PPARA: variants seen among roughly 807,000 people sequenced by gnomAD.
PPARA encodes the protein peroxisome proliferator activated receptor alpha.
Under a neutral mutation model 42.2 loss-of-function variants are expected in PPARA, and 22 were observed. That is an observed-to-expected ratio of 0.52 (90% confidence interval 0.37 to 0.74). PPARA has a LOEUF of 0.74. Ranked by LOEUF, PPARA falls within the 30% of genes least tolerant of loss-of-function variation. The pLI, the probability that PPARA is intolerant of heterozygous loss-of-function variation, is 0.00. For missense variants in PPARA, 465 were observed against 608.2 expected (o/e 0.76, Z 2.48); for synonymous variants, 242 against 239.3 (o/e 1.01, Z -0.10).
chr22:46,208,130 AAAT>A (rs1933571728), intron 4 of PPARA, among the ~76,000 whole-genome samples: 1 of 152,154 alleles, frequency 6.6e-6, no homozygotes. Context: ...TTTAATTGAC[AAAT>A]AATAATTGTA....
At chr22:46,166,570 A>G (rs1927087572) in intron 2 of PPARA, among the ~76,000 whole-genome samples, 2 of 151,674 alleles carry the variant, frequency 1.3e-5, no homozygotes, top group Admixed American at 1.3e-4. Flanking sequence ...GTGAGCCGAG[A>G]TCATGCCACT....
chr22:46,152,804 A>G (rs1370049609), intron 2 of PPARA, among the ~76,000 whole-genome samples: 4 of 152,172 alleles, frequency 2.6e-5, no homozygotes, highest in Non-Finnish European at 5.9e-5. Flanking sequence ...CTAATTGGCA[A>G]GTTGGGTGCG....
intron 3 of PPARA, among the ~76,000 whole-genome samples, chr22:46,197,672 C>T (rs565502461): frequency 2.6e-5 from 4 of 151,916 alleles, no homozygotes; most frequent in East Asian, 2.0e-4. Context: ...AAGGCCGAGG[C>T]GGGCGGATCA....
chr22:46,206,581 A>T (rs565623701), intron 4 of PPARA, among the ~76,000 whole-genome samples: 1 of 152,168 alleles, frequency 6.6e-6, no homozygotes, highest in East Asian at 1.9e-4. Flanking sequence ...TATTATAAGA[A>T]CTTTATGACA....
At chr22:46,198,621 T>A in intron 4 of PPARA, 30 bp downstream of exon 4, 2 of 1,601,006 alleles carry the variant, frequency 1.2e-6, no homozygotes. Flanking sequence ...GAAAGTTTTA[T>A]TTAGAAATGT....
At chr22:46,155,889 C>T (rs1355478650) in intron 2 of PPARA, 1 of 152,202 alleles carries the variant, frequency 6.6e-6, no homozygotes, top group Admixed American at 6.5e-5. Flanking sequence ...ATGCACTGAG[C>T]TTCTTTGGAA....
intron 2 of PPARA, chr22:46,164,807 T>C (rs1002526280): frequency 2.0e-5 from 3 of 152,250 alleles, no homozygotes; most frequent in African/African-American, 7.2e-5. Context: ...ATTTGGGTAA[T>C]GCCTGAATAT....
intron 4 of PPARA, among the ~76,000 whole-genome samples, chr22:46,213,854 G>A (rs1457320987): frequency 6.6e-6 from 1 of 152,210 alleles, no homozygotes. Flanking sequence ...CTCCCAAAGT[G>A]CTGGGATTAC....
chr22:46,171,970 G>A lies in PPARA; in HGVS notation c.-126-4783G>A, dbSNP rs115434148. The stretch of plus-strand genomic sequence containing the variant: ...AGAGGGGCCTGAAGGGGTGGGGCCC[G>A]GCCAAGCAAGGTGGCTAAGTGGGAA... On this transcript the variant is annotated intron_variant, in intron 2 of 8. Coordinates refer to ENST00000407236, the MANE Select transcript of PPARA (RefSeq NM_005036.6). This position sits in a 1 kb window ranked among gnomAD's most constrained non-coding sequence, Gnocchi z 5.0. Among the ~76,000 whole-genome samples the A allele has an allele frequency of 7.1e-3, 1,087 of 152,268 alleles. 13 individuals are homozygous for A. The highest frequency in any genetic ancestry group is 0.023 in the African/African-American group (952 of 41,556).
intron 4 of PPARA, among the ~76,000 whole-genome samples, chr22:46,209,318 T>C (rs1366886574): frequency 6.6e-6 from 1 of 152,190 alleles, no homozygotes; most frequent in Non-Finnish European, 1.5e-5. Flanking sequence ...TTTATGCTCC[T>C]TGTGCTTGAG....
Position 46,231,470 on chromosome 22 carries a change from C to G in PPARA, c.712-322C>G, listed in dbSNP as rs1047717476. 6.6e-6 allele frequency among the ~76,000 whole-genome samples: 1 copy of G among 152,200 alleles called. No individual in the cohort carries two copies. Among genetic ancestry groups the G allele is most frequent in the South Asian group, 2.1e-4 (1 of 4,832 alleles). ...TCTTGACCTCAGGTAAACCACCCACCTCAGCCTCCCAAAGTTCTGGGATTA... is the reference window on the plus strand; with the variant it reads ...TCTTGACCTCAGGTAAACCACCCACGTCAGCCTCCCAAAGTTCTGGGATTA... On this transcript the variant is annotated intron_variant, in intron 7 of 8. Coordinates refer to ENST00000407236, the MANE Select transcript of PPARA (RefSeq NM_005036.6). The surrounding 1 kb of genome is among the most constrained non-coding windows in gnomAD (Gnocchi z 7.7).
At position 46,150,793 on chromosome 22, in the gene PPARA, G is replaced by C. The variant is rs1924288445; in HGVS notation, c.-210+141G>C. ...GCGCATGCGCGGGGCCCGGGGTCTC[G>C]GGGTCTCCGGGTCCCGGGGACCCGG... On this transcript the variant is annotated intron_variant, in intron 1 of 8. Coordinates refer to ENST00000407236, the MANE Select transcript of PPARA (RefSeq NM_005036.6). The surrounding 1 kb of genome is among the most constrained non-coding windows in gnomAD (Gnocchi z 7.5). 1.3e-5 allele frequency: 2 copies of C among 151,104 alleles called. No homozygotes were observed. The highest frequency in any genetic ancestry group is 4.2e-4 in the South Asian group (2 of 4,812). 9.4% of individuals were successfully genotyped at this position (151,104 alleles called of 1,614,324 possible).
chr22:46,201,930 T>C (rs1164685583), intron 4 of PPARA, among the ~76,000 whole-genome samples: 1 of 152,246 alleles, frequency 6.6e-6, no homozygotes, highest in Non-Finnish European at 1.5e-5. Context: ...TTTGCCTTTC[T>C]TTTTTAAGGC....
In PPARA at chr22:46,162,067, G is replaced by C. The variant is rs1231334655; in HGVS notation, c.-127+10097G>C. ...CCAGCCTCCTGCTAGGGCTGGGTGG[G>C]GGACATCAAAGGCAGGACAAGGTGT... On this transcript the variant is annotated intron_variant, in intron 2 of 8. Coordinates refer to ENST00000407236, the MANE Select transcript of PPARA (RefSeq NM_005036.6). The surrounding 1 kb of genome is among the most constrained non-coding windows in gnomAD (Gnocchi z 6.0). 6.6e-6 allele frequency among the ~76,000 whole-genome samples: 1 copy of C among 152,158 alleles called. No homozygotes were observed. Among genetic ancestry groups the C allele is most frequent in the Non-Finnish European group, 1.5e-5 (1 of 68,032 alleles).
Position 46,176,763 on chromosome 22 carries a change from TGG to T in PPARA, c.-114_-113del, listed in dbSNP as rs971770143. On this transcript the variant is annotated 5_prime_UTR_variant, in exon 3 of 9. Coordinates refer to ENST00000407236, the MANE Select transcript of PPARA (RefSeq NM_005036.6). ...ATTTTTCTCTCACAGTTCTGGAGGC[TGG>T]GAAGTTCAAGATCAAAGTGCCAGCA... 17 of 152,600 alleles carry T rather than the reference TGG, an allele frequency of 1.1e-4. No homozygotes were observed. Among genetic ancestry groups the T allele is most frequent in the Admixed American group, 1.0e-3 (16 of 15,302 alleles). 9.5% of individuals were successfully genotyped at this position (152,600 alleles called of 1,614,324 possible).
At chr22:46,175,546 T>C (rs1344330095) in intron 2 of PPARA, among the ~76,000 whole-genome samples, 1 of 151,894 alleles carries the variant, frequency 6.6e-6, no homozygotes, top group Non-Finnish European at 1.5e-5. Context: ...ACCCCATCTC[T>C]ACTAAAAAAT....
chr22:46,202,524 G>A (rs567626325), intron 4 of PPARA, among the ~76,000 whole-genome samples: 47 of 152,022 alleles, frequency 3.1e-4, no homozygotes, highest in Admixed American at 1.8e-3. Context: ...ATCACCTGAG[G>A]TCAGGAGTTC....
intron 4 of PPARA, among the ~76,000 whole-genome samples, chr22:46,205,061 G>A (rs1321550803): frequency 2.0e-5 from 3 of 151,064 alleles, no homozygotes; most frequent in African/African-American, 7.3e-5. Context: ...ACAGAGACTC[G>A]TTATGTTGCC....
rs751304639 is a variant in PPARA at position 46,216,011 on chromosome 22, G to A, written c.369+678G>A. On this transcript the variant is annotated intron_variant, in intron 5 of 8. Coordinates refer to ENST00000407236, the MANE Select transcript of PPARA (RefSeq NM_005036.6). This position sits in a 1 kb window ranked among gnomAD's most constrained non-coding sequence, Gnocchi z 4.5. ...CCTGGTGGCAAAAAGGTTGGGGATT[G>A]CTGCTTTAGAGAGTCTAGGACAAAT... Among the ~76,000 whole-genome samples the A allele has an allele frequency of 6.6e-6, 1 of 152,210 alleles. No homozygotes were observed. The highest frequency in any genetic ancestry group is 1.5e-5 in the Non-Finnish European group (1 of 68,036).
Sources: allele counts gnomAD v4.1 joint callset (sites outside exome capture counted in the v4.1 genomes callset), GRCh38; gene constraint gnomAD v4.1.1; non-coding constraint Gnocchi (gnomAD v3.1); transcripts MANE v1.5; gene names NCBI Gene and HGNC (gene_info 2026-07-23, HGNC 2026-07-21).